The following CREB5 variants were observed in gnomAD, a reference collection of about 807,000 sequenced individuals.
CREB5 encodes the protein cAMP responsive element binding protein 5.
Under a neutral mutation model 57.1 loss-of-function variants are expected in CREB5, and 19 were observed. That is an observed-to-expected ratio of 0.33 (90% confidence interval 0.23 to 0.49). The LOEUF (loss-of-function observed/expected upper bound fraction) is 0.49, where lower values mean the gene tolerates loss of function less well. CREB5 is among the 20% of genes least tolerant of loss of function. CREB5 has a pLI of 0.99. For missense variants in CREB5, 579 were observed against 671.6 expected, an observed-to-expected ratio of 0.86 and a Z score of 1.52; for synonymous variants, 238 against 238.3, an observed-to-expected ratio of 1.00 and a Z score of 0.01.
chr7:28,622,553 T>A (rs1797846782), intron 5 of CREB5, among the ~76,000 whole-genome samples: 1 of 152,220 alleles, frequency 6.6e-6, no homozygotes, highest in Non-Finnish European at 1.5e-5. Context: ...AAAATTGTGT[T>A]CTGTGTACTG....
chr7:28,551,165 G>A (rs1321317880), intron 4 of CREB5, among the ~76,000 whole-genome samples: 7 of 73,236 alleles, frequency 9.6e-5, no homozygotes, highest in African/African-American at 2.6e-4. Flanking sequence ...TATATTCTTG[G>A]GATAGGAAAA....
chr7:28,409,754 G>C (rs1271592643), upstream of CREB5: 3 of 369,140 alleles, frequency 8.1e-6, no homozygotes, highest in South Asian at 2.0e-5. This position sits in a 1 kb window ranked among gnomAD's most constrained non-coding sequence, Gnocchi z 4.4. Flanking sequence ...CGGAGCGCTC[G>C]GTGGCCGCCG....
At chr7:28,682,575 C>T (rs746936397) in intron 5 of CREB5, among the ~76,000 whole-genome samples, 1 of 151,958 alleles carries the variant, frequency 6.6e-6, no homozygotes, top group African/African-American at 2.4e-5. Context: ...TTATCTGGCC[C>T]CTCAAACTCC....
At chr7:28,391,153 C>T (rs113595336) in intron 1 of CREB5, among the ~76,000 whole-genome samples, 13 of 152,264 alleles carry the variant, frequency 8.5e-5, no homozygotes, top group African/African-American at 1.2e-4. Context: ...TTTGTATCAT[C>T]GCTCAGTTTT....
At chr7:28,537,842 T>A (rs1794026938) in intron 4 of CREB5, among the ~76,000 whole-genome samples, 1 of 152,208 alleles carries the variant, frequency 6.6e-6, no homozygotes, top group Non-Finnish European at 1.5e-5. Flanking sequence ...CAGATTTGAA[T>A]ACCGTTTGGG....
rs565870786 is a variant in CREB5 at position 28,681,510 on chromosome 7, G to T, written c.465-37243G>T. On this transcript the variant is annotated intron_variant, in intron 5 of 10. Coordinates refer to ENST00000357727, the MANE Select transcript of CREB5 (RefSeq NM_182898.4). ...CAGCCCCAGTAGCAGGACTATAGAT[G>T]TATGCCACCACGCCCAGTCCCAGTC... is the stretch of plus-strand genomic sequence containing the variant. 2.0e-4 allele frequency among the ~76,000 whole-genome samples: 31 copies of T among 152,214 alleles called. No homozygotes were observed. In the South Asian group the frequency reaches 6.4e-3, roughly 32 times the overall value.
At chr7:28,685,912 G>A in intron 5 of CREB5, 3 of 441,934 alleles carry the variant, frequency 6.8e-6, no homozygotes, top group Non-Finnish European at 1.2e-5. Flanking sequence ...AGTTCTGCCA[G>A]ATTTAAGTGG....
chr7:28,546,672 C>G (rs1411318310), intron 4 of CREB5, among the ~76,000 whole-genome samples: 1 of 152,184 alleles, frequency 6.6e-6, no homozygotes, highest in Non-Finnish European at 1.5e-5. Context: ...AGGGTTATCC[C>G]ACCTCATCTT....
At chr7:28,692,384 G>T (rs972456432) in intron 5 of CREB5, among the ~76,000 whole-genome samples, 2 of 152,178 alleles carry the variant, frequency 1.3e-5, no homozygotes, top group Non-Finnish European at 1.5e-5. Flanking sequence ...ATCACTTGAG[G>T]TCGGGAGTTC....
chr7:28,560,827 C>CGT lies in CREB5; in HGVS notation c.292-9537_292-9536insTG, dbSNP rs1562797026. On this transcript the variant is annotated intron_variant, in intron 4 of 10. Transcript: ENST00000357727. ...GTGTGCGCGTGTGTGTGTGTGCGCGCGCGCGCGTGTGTGTGTGCGCGTGTG... is the reference window on the plus strand; with the variant it reads ...GTGTGCGCGTGTGTGTGTGTGCGCGCGTGCGCGCGTGTGTGTGTGCGCGTGTG... 9.0e-5 allele frequency among the ~76,000 whole-genome samples: 8 copies of CGT among 89,094 alleles called. 1 individual carries two copies. Among genetic ancestry groups the CGT allele is most frequent in the Non-Finnish European group, 1.6e-4 (7 of 43,004 alleles). 58.4% of individuals were successfully genotyped at this position (89,094 alleles called of 152,430 possible). A position where few individuals can be genotyped will look rare whatever the true frequency, so the allele number is the denominator to read the frequency against.
intron 1 of CREB5, among the ~76,000 whole-genome samples, chr7:28,453,044 G>A (rs1463716123): frequency 6.6e-6 from 1 of 152,226 alleles, no homozygotes; most frequent in Non-Finnish European, 1.5e-5. Flanking sequence ...TTCCCAAATG[G>A]CGAGTAACTC....
intron 5 of CREB5, among the ~76,000 whole-genome samples, chr7:28,708,369 A>G (rs1364576552): frequency 2.6e-5 from 4 of 152,150 alleles, no homozygotes; most frequent in Non-Finnish European, 4.4e-5. Context: ...TCGTGGAGCT[A>G]ATAAATTCTA....
chr7:28,756,429 G>A (rs1324057145), intron 7 of CREB5, among the ~76,000 whole-genome samples: 1 of 151,994 alleles, frequency 6.6e-6, no homozygotes, highest in Non-Finnish European at 1.5e-5. Context: ...GGTGGCACAT[G>A]CCTGTAATCC....
At chr7:28,802,949 GATTC>G (rs1267826190) in intron 7 of CREB5, among the ~76,000 whole-genome samples, 1 of 152,200 alleles carries the variant, frequency 6.6e-6, no homozygotes, top group African/African-American at 2.4e-5. Flanking sequence ...GAACATAGCA[GATTC>G]ATTCATTTAT....
intron 7 of CREB5, among the ~76,000 whole-genome samples, chr7:28,732,414 G>T (rs978761137): frequency 4.6e-5 from 7 of 152,094 alleles, no homozygotes; most frequent in Non-Finnish European, 8.8e-5. Flanking sequence ...AACTGCATAT[G>T]GTTTGGGTCA....
chr7:28,752,686 T>A (rs542362821), intron 7 of CREB5, among the ~76,000 whole-genome samples: 7 of 152,346 alleles, frequency 4.6e-5, no homozygotes, highest in African/African-American at 1.7e-4. Flanking sequence ...AGGGCCTGTC[T>A]AATAAATGTT....
intron 5 of CREB5, among the ~76,000 whole-genome samples, chr7:28,604,850 A>G (rs1458864384): frequency 6.6e-6 from 1 of 152,112 alleles, no homozygotes. Context: ...GTGTTTTTAA[A>G]CTAAGTTTTT....
intron 7 of CREB5, among the ~76,000 whole-genome samples, chr7:28,741,835 A>G (rs542156772): frequency 3.3e-5 from 5 of 152,204 alleles, no homozygotes; most frequent in South Asian, 4.2e-4. Context: ...TGGGAGGCCA[A>G]TGCAGGTGGA....
intron 1 of CREB5, among the ~76,000 whole-genome samples, chr7:28,434,976 T>C (rs527908044): frequency 6.6e-6 from 1 of 152,268 alleles, no homozygotes; most frequent in Non-Finnish European, 1.5e-5. Context: ...AGCACGTGAA[T>C]GTCTTATTTT....
Sources: gnomAD v4.1 joint callset for allele counts (sites outside exome capture counted in the v4.1 genomes callset) on GRCh38, gnomAD v4.1.1 for gene constraint, Gnocchi (gnomAD v3.1) non-coding constraint, MANE v1.5 for transcripts, NCBI Gene and HGNC (gene_info 2026-07-23, HGNC 2026-07-21) for gene names.